PDZD9: variants seen among roughly 807,000 people sequenced by gnomAD.
PDZD9 encodes PDZ domain-containing protein 9.
A neutral mutation model predicts 16.3 loss-of-function variants in PDZD9; 13 were observed. That is an observed-to-expected ratio of 0.80 (90% CI 0.52 to 1.27). The LOEUF (loss-of-function observed/expected upper bound fraction) is 1.27, where lower values mean the gene tolerates loss of function less well. Among genes scored for constraint, PDZD9 ranks in the 50% most tolerant of loss-of-function variants. The pLI is 0.00. For missense variants in PDZD9, 288 were observed against 310.9 expected (o/e 0.93, Z 0.55); for synonymous variants, 120 against 111.0 (o/e 1.08, Z -0.51).
chr16:21,959,357 C>A, the PDZD9 span: 1 of 276,210 alleles, frequency 3.6e-6, no homozygotes, highest in Non-Finnish European at 7.3e-6. Flanking sequence ...GCATCTTCAA[C>A]CAGGAGCAGA....
At chr16:21,990,270 T>A (rs1288399329) in intron 2 of PDZD9, among the ~76,000 whole-genome samples, 1 of 152,198 alleles carries the variant, frequency 6.6e-6, no homozygotes, top group African/African-American at 2.4e-5. Context: ...AGTACTGACC[T>A]TCTGGAGACC....
rs1322617304 is a variant in PDZD9, at chr16:21,984,274, A to G, written c.788T>C (p.Val263Ala). 6.2e-7 allele frequency: 1 copy of G among 1,605,300 alleles called. No individual in the cohort carries two copies. Among genetic ancestry groups the G allele is most frequent in the African/African-American group, 1.3e-5 (1 of 74,656 alleles). ...CATATGACCACAGATTTGCTAACCAACCTTTGATACCAGTTGGGCTTTACC... is the reference window on the plus strand; with the variant it reads ...CATATGACCACAGATTTGCTAACCAGCCTTTGATACCAGTTGGGCTTTACC... ...EEGKAQLVSK[V>A]G Residue 263 changes from valine (V) to alanine (A), a missense_variant, in exon 4 of 4, where the codon GTT becomes GCT. Coordinates refer to ENST00000424898, the MANE Select transcript of PDZD9 (RefSeq NM_001363519.1).
chr16:21,996,770 T>C (rs1899162634), intron 1 of PDZD9, among the ~76,000 whole-genome samples: 1 of 152,240 alleles, frequency 6.6e-6, no homozygotes, highest in Non-Finnish European at 1.5e-5. Flanking sequence ...CAAATATTTA[T>C]TGATACAGTG....
the PDZD9 span, chr16:21,958,635 C>A: frequency 6.4e-7 from 1 of 1,561,304 alleles, no homozygotes; most frequent in Non-Finnish European, 8.8e-7. Context: ...AGTGAAAATG[C>A]CAGAAAATAT....
rs1898809370 is a variant in PDZD9, at chr16:21,984,209, T to G, written c.*58A>C. On this transcript the variant is annotated 3_prime_UTR_variant, in exon 4 of 4. Transcript: ENST00000424898. ...TTGATAAGTACAGCAAACTTGTGCC[T>G]GGTGAGGCACAAAACTTGGGTGTCT... is the stretch of plus-strand genomic sequence containing the variant. 6.5e-7 allele frequency: 1 copy of G among 1,539,892 alleles called. No homozygotes were observed. Among genetic ancestry groups the G allele is most frequent in the Non-Finnish European group, 8.8e-7 (1 of 1,139,842 alleles).
the PDZD9 span, chr16:21,968,456 GT>G: frequency 4.2e-6 from 2 of 476,290 alleles, no homozygotes; most frequent in Non-Finnish European, 7.2e-6. Context: ...TTAAGCAATA[GT>G]TTTTATAATA....
At chr16:21,964,485 A>G in the PDZD9 span, among the ~76,000 whole-genome samples, 1 of 152,164 alleles carries the variant, frequency 6.6e-6, no homozygotes, top group South Asian at 2.1e-4. Context: ...ATCTTACCCC[A>G]GCCCACTTCT....
downstream of PDZD9, chr16:21,983,268 T>G: frequency 9.0e-7 from 1 of 1,114,738 alleles, no homozygotes; most frequent in East Asian, 2.6e-5. Flanking sequence ...CATTTGTCTT[T>G]TTTCCAGTGA....
chr16:21,995,674 T>G (rs1043282966), intron 2 of PDZD9, among the ~76,000 whole-genome samples: 1 of 152,168 alleles, frequency 6.6e-6, no homozygotes, highest in African/African-American at 2.4e-5. Flanking sequence ...CTCAGCTCAC[T>G]GCAACCTCCG....
At chr16:21,971,729 A>G in the PDZD9 span, 16 of 1,333,828 alleles carry the variant, frequency 1.2e-5, no homozygotes, top group Non-Finnish European at 1.5e-5. Flanking sequence ...CAGTCTCGGC[A>G]TAGAATTGGA....
At chr16:21,984,803 TTC>T in intron 3 of PDZD9, 143 bp from the exon 4 acceptor site, 1 of 585,442 alleles carries the variant, frequency 1.7e-6, no homozygotes, top group Non-Finnish European at 2.6e-6. Flanking sequence ...ATTGAAATGT[TTC>T]TCTTTTTTAA....
At chr16:21,971,707 T>C in the PDZD9 span, 1 of 1,411,246 alleles carries the variant, frequency 7.1e-7, no homozygotes, top group East Asian at 2.3e-5. Context: ...GGCCTGAATA[T>C]TTACTACTGA....
At chr16:21,972,297 G>C in the PDZD9 span, among the ~76,000 whole-genome samples, 1 of 152,128 alleles carries the variant, frequency 6.6e-6, no homozygotes. Flanking sequence ...AAACTCACTG[G>C]CTTTTCCACT....
the PDZD9 span, chr16:21,958,543 A>AG: frequency 6.2e-7 from 1 of 1,612,296 alleles, no homozygotes; most frequent in African/African-American, 1.3e-5. Context: ...AGACGACAAA[A>AG]GGAGCTTCAT....
Position 21,996,607 on chromosome 16 carries a change from G to C in PDZD9, c.32-106C>G, listed in dbSNP as rs557792218. On this transcript the variant is annotated intron_variant, in intron 1 of 3. Transcript: ENST00000424898. ...TCCCTGGGACAGTTATTTAATCCCT[G>C]TTCCTCAGATTCCTTGTCAGTAAAA... 26 of 1,070,772 alleles carry C rather than the reference G, an allele frequency of 2.4e-5. No homozygotes were observed. In the East Asian group the frequency reaches 6.0e-4, roughly 25 times the overall value. 66.3% of individuals were successfully genotyped at this position (1,070,772 alleles called of 1,614,324 possible). A position where few individuals can be genotyped will look rare whatever the true frequency, so the allele number is the denominator to read the frequency against.
chr16:21,958,568 C>G, the PDZD9 span: 2 of 1,612,306 alleles, frequency 1.2e-6, no homozygotes, highest in South Asian at 2.2e-5. Flanking sequence ...CAAGATAACC[C>G]GTGGAATTGA....
intron 3 of PDZD9, among the ~76,000 whole-genome samples, chr16:21,986,850 GGTGACTACTGA>G (rs1218374756): frequency 6.6e-6 from 1 of 152,168 alleles, no homozygotes; most frequent in Non-Finnish European, 1.5e-5. Flanking sequence ...AGCCTTCAAG[GGTGACTACTGA>G]AGAGCAAAGT....
the PDZD9 span, among the ~76,000 whole-genome samples, chr16:21,966,170 ATG>A: frequency 1.2e-3 from 186 of 151,752 alleles, 1 homozygote; most frequent in African/African-American, 4.2e-3. Context: ...ATATATATAT[ATG>A]TGTGTGTGTA....
the PDZD9 span, among the ~76,000 whole-genome samples, chr16:21,960,728 A>G: frequency 2.0e-5 from 3 of 152,096 alleles, no homozygotes; most frequent in African/African-American, 7.2e-5. Flanking sequence ...CTTAATTTCA[A>G]TATTGTTGTG....
Sources: allele counts gnomAD v4.1 joint callset (sites outside exome capture counted in the v4.1 genomes callset), GRCh38; gene constraint gnomAD v4.1.1; transcripts MANE v1.5; gene names NCBI Gene and HGNC (gene_info 2026-07-23, HGNC 2026-07-21).